Variants in CCN4 observed in about 807,000 individuals in gnomAD.
CCN4 encodes CCN family member 4.
A neutral mutation model predicts 36.7 loss-of-function variants in CCN4; 30 were observed. The observed-to-expected ratio is 0.82, with a 90% CI of 0.61 to 1.11. CCN4 has a LOEUF of 1.11. Among genes scored for constraint, CCN4 ranks in the 50% least tolerant of loss-of-function variants. The pLI, the probability that CCN4 is intolerant of heterozygous loss-of-function variation, is 0.00. For synonymous variants in CCN4, 191 were observed against 195.4 expected, an observed-to-expected ratio of 0.98 and a Z score of 0.19; for missense variants, 505 against 504.9, an observed-to-expected ratio of 1.00 and a Z score of 0.00.
chr8:133,224,189 C>T (rs1854636344), intron 3 of CCN4, among the ~76,000 whole-genome samples: 1 of 146,104 alleles, frequency 6.8e-6, no homozygotes. Context: ...GCAGTGCTGC[C>T]AGTTGAACCC....
Position 133,191,233 on chromosome 8 carries a change from G to A in CCN4, c.69+20G>A. On this transcript the variant is annotated intron_variant, in intron 1 of 4. Coordinates refer to ENST00000250160, the MANE Select transcript of CCN4 (RefSeq NM_003882.4). ...GCCACGGTGAGTCCTGCCTGGAGGG[G>A]CTCAGAGGGAGACCCAGCTCCCTTC... The A allele has an allele frequency of 1.2e-6, 2 of 1,600,882 alleles. No homozygotes were observed. Among genetic ancestry groups the A allele is most frequent in the Non-Finnish European group, 1.7e-6 (2 of 1,177,680 alleles).
chr8:133,225,471 G>T lies in CCN4; in HGVS notation c.692G>T (p.Gly231Val). Residue 231 changes from glycine (G) to valine (V), a missense_variant, in exon 4 of 5, where the codon GGC becomes GTC. Coordinates refer to ENST00000250160, the MANE Select transcript of CCN4 (RefSeq NM_003882.4). ...TGGAGCCCTTGCTCCACCAGCTGCGGCCTGGGGGTCTCCACTCGGATCTCC... is the reference window on the plus strand; with the variant it reads ...TGGAGCCCTTGCTCCACCAGCTGCGTCCTGGGGGTCTCCACTCGGATCTCC... Reference protein sequence around the residue: ...SPWSPCSTSCGLGVSTRISNV... With the variant: ...SPWSPCSTSCVLGVSTRISNV... The T allele has an allele frequency of 6.2e-7, 1 of 1,614,104 alleles. No homozygotes were observed. The highest frequency in any genetic ancestry group is 8.5e-7 in the Non-Finnish European group (1 of 1,179,996).
intron 1 of CCN4, 57 bp from the exon 2 acceptor site, chr8:133,212,807 T>G: frequency 7.4e-7 from 1 of 1,350,804 alleles, no homozygotes; most frequent in Admixed American, 2.3e-5. Context: ...CAGGGCCCTT[T>G]GGGCGTTGAA....
chr8:133,215,925 T>G (rs1350127529), intron 2 of CCN4, among the ~76,000 whole-genome samples: 3 of 152,064 alleles, frequency 2.0e-5, no homozygotes, highest in Non-Finnish European at 4.4e-5. Context: ...AATAAATTTT[T>G]TAGATGTATT....
chr8:133,197,049 T>C (rs1186956771), intron 1 of CCN4, among the ~76,000 whole-genome samples: 2 of 152,092 alleles, frequency 1.3e-5, no homozygotes, highest in African/African-American at 4.8e-5. Flanking sequence ...TGAACACTTT[T>C]GGGTTATTGT....
intron 1 of CCN4, among the ~76,000 whole-genome samples, chr8:133,194,729 AGT>A (rs1853291706): frequency 9.9e-5 from 2 of 20,300 alleles, no homozygotes; most frequent in African/African-American, 2.6e-4. Flanking sequence ...GGATGTGTGT[AGT>A]GTGTGTGTGG....
Position 133,223,427 on chromosome 8 carries a change from A to C in CCN4, c.611-1963A>C, listed in dbSNP as rs1233070304. The stretch of plus-strand genomic sequence containing the variant: ...CCTGTCCTTGGATGCCTCCCATTTC[A>C]GGTCTTTCCCTCTCTCACTCAGTGA... On this transcript the variant is annotated intron_variant, in intron 3 of 4. Coordinates refer to ENST00000250160, the MANE Select transcript of CCN4 (RefSeq NM_003882.4). Among the ~76,000 whole-genome samples the C allele has an allele frequency of 2.0e-5, 3 of 151,980 alleles. No individual in the cohort carries two copies. The South Asian group carries it at 6.2e-4, about 32-fold the overall frequency.
rs138841843 is a variant in CCN4, at chr8:133,224,532, C to T, written c.611-858C>T. ...CCTGTGTGCCCTCTTACCCACTATG[C>T]CCTCGGCATCACTGCGACAAAATGT... On this transcript the variant is annotated intron_variant, in intron 3 of 4. Transcript: ENST00000250160. Among the ~76,000 whole-genome samples the T allele has an allele frequency of 7.0e-4, 106 of 152,204 alleles. 1 individual carries two copies. Among genetic ancestry groups the T allele is most frequent in the African/African-American group, 2.4e-3 (98 of 41,542 alleles).
At position 133,191,080 on chromosome 8, in the gene CCN4, TC is replaced by T. The variant is rs781113006; in HGVS notation, c.-60del. ...ATGGGCCGGCCAGTCTGGGCCCAGC[TC>T]CCCCGAGAGGTGGTCGGATCCTCTG... On this transcript the variant is annotated 5_prime_UTR_variant, in exon 1 of 5. It removes the in-frame stop codon of an upstream open reading frame in the 5' UTR. Transcript: ENST00000250160. 6 of 1,574,058 alleles carry T rather than the reference TC, an allele frequency of 3.8e-6. No homozygotes were observed. In the East Asian group the frequency reaches 1.1e-4, roughly 30 times the overall value.
Position 133,196,745 on chromosome 8 carries a change from G to A in CCN4, c.69+5532G>A, listed in dbSNP as rs1006777393. On this transcript the variant is annotated intron_variant, in intron 1 of 4. Transcript: ENST00000250160. ...TTGTTAAGGGTGTTGAATGGGGAATGAAGCAGAGACAAAGCCCACAAGGCC... is the reference window on the plus strand; with the variant it reads ...TTGTTAAGGGTGTTGAATGGGGAATAAAGCAGAGACAAAGCCCACAAGGCC... 2.7e-4 allele frequency among the ~76,000 whole-genome samples: 41 copies of A among 152,330 alleles called. 1 individual carries two copies. Among genetic ancestry groups the A allele is most frequent in the African/African-American group, 9.6e-4 (40 of 41,584 alleles).
At chr8:133,191,972 C>T (rs1235238227) in intron 1 of CCN4, among the ~76,000 whole-genome samples, 1 of 152,150 alleles carries the variant, frequency 6.6e-6, no homozygotes, top group African/African-American at 2.4e-5. Context: ...AGGGGAGTCA[C>T]ATATGTGACC....
At chr8:133,214,437 C>T (rs1009374931) in intron 2 of CCN4, among the ~76,000 whole-genome samples, 3 of 150,304 alleles carry the variant, frequency 2.0e-5, no homozygotes, top group Middle Eastern at 3.2e-3. Flanking sequence ...TTTTGTTTTT[C>T]CTGGACTTTC....
intron 1 of CCN4, among the ~76,000 whole-genome samples, chr8:133,192,223 C>T (rs1346422312): frequency 1.3e-5 from 2 of 152,158 alleles, no homozygotes; most frequent in Non-Finnish European, 2.9e-5. Flanking sequence ...ATAAGGAAAC[C>T]GTGTGTTGGG....
chr8:133,218,334 C>T (rs188176402), intron 2 of CCN4, among the ~76,000 whole-genome samples: 37 of 152,194 alleles, frequency 2.4e-4, no homozygotes, highest in Middle Eastern at 3.4e-3. Flanking sequence ...ACCTCCTGCA[C>T]GGATAACCGC....
chr8:133,215,516 C>A (rs1021783441), intron 2 of CCN4, among the ~76,000 whole-genome samples: 1 of 152,124 alleles, frequency 6.6e-6, no homozygotes, highest in African/African-American at 2.4e-5. Context: ...CTGCCAGGCA[C>A]CACTCATTTA....
rs1853930173 is a variant in CCN4, at chr8:133,209,815, C to T, written c.70-3049C>T. On this transcript the variant is annotated intron_variant, in intron 1 of 4. Coordinates refer to ENST00000250160, the MANE Select transcript of CCN4 (RefSeq NM_003882.4). Reference sequence around the variant, plus strand: ...TGTGTGCCATGTGACATGTGCCAGGCCCTACCTAGTGCTGCCACATCCACA... The same window carrying T: ...TGTGTGCCATGTGACATGTGCCAGGTCCTACCTAGTGCTGCCACATCCACA... 3.3e-5 allele frequency among the ~76,000 whole-genome samples: 5 copies of T among 152,322 alleles called. No homozygotes were observed. The South Asian group carries it at 6.2e-4, about 19-fold the overall frequency.
At chr8:133,209,692 C>T (rs1181179527) in intron 1 of CCN4, among the ~76,000 whole-genome samples, 4 of 152,204 alleles carry the variant, frequency 2.6e-5, no homozygotes, top group African/African-American at 7.2e-5. Context: ...CAACCCATTC[C>T]AGCTCAGCTC....
At chr8:133,222,107 G>T (rs1854556134) in intron 3 of CCN4, among the ~76,000 whole-genome samples, 1 of 151,870 alleles carries the variant, frequency 6.6e-6, no homozygotes, top group South Asian at 2.1e-4. Context: ...AATGATGGAT[G>T]GATCAATTAA....
chr8:133,192,296 G>A (rs755485977), intron 1 of CCN4, among the ~76,000 whole-genome samples: 1 of 152,182 alleles, frequency 6.6e-6, no homozygotes, highest in East Asian at 1.9e-4. Context: ...GCCGAGAGCC[G>A]ACAGCAAACT....
Sources: gnomAD v4.1 joint callset for allele counts (sites outside exome capture counted in the v4.1 genomes callset) on GRCh38, gnomAD v4.1.1 for gene constraint, MANE v1.5 for transcripts, NCBI Gene and HGNC (gene_info 2026-07-23, HGNC 2026-07-21) for gene names.